Variants in KHDRBS2 observed in about 807,000 individuals in gnomAD.
KHDRBS2 encodes the protein KH domain-containing, RNA-binding, signal transduction-associated protein 2.
Under a neutral mutation model 44.3 loss-of-function variants are expected in KHDRBS2, and 26 were observed. The ratio of observed to expected loss-of-function variants is 0.59; its 90% CI spans 0.43 to 0.81. The LOEUF is 0.81. KHDRBS2 is among the 40% of genes least tolerant of loss of function. KHDRBS2 has a pLI of 0.00. For synonymous variants in KHDRBS2, 194 were observed against 151.1 expected (o/e 1.28, Z -2.08); for missense variants, 476 against 433.1 (o/e 1.10, Z -0.88).
intron 2 of KHDRBS2, among the ~76,000 whole-genome samples, chr6:62,059,622 A>G (rs1024658821): frequency 1.3e-5 from 2 of 151,812 alleles, no homozygotes; most frequent in Non-Finnish European, 2.9e-5. Flanking sequence ...CAAAAACGTT[A>G]GAGAAAAAAT....
intron 1 of KHDRBS2, among the ~76,000 whole-genome samples, chr6:62,222,747 C>T (rs1310413744): frequency 6.6e-6 from 1 of 152,174 alleles, no homozygotes; most frequent in Non-Finnish European, 1.5e-5. Flanking sequence ...TTACAGGCCC[C>T]ATGCAACTCT....
intron 6 of KHDRBS2, among the ~76,000 whole-genome samples, chr6:61,744,998 A>G (rs1776665028): frequency 6.6e-6 from 1 of 152,158 alleles, no homozygotes; most frequent in Non-Finnish European, 1.5e-5. Context: ...TTCAAAGCTC[A>G]TCTAACTATT....
the KHDRBS2 span, among the ~76,000 whole-genome samples, chr6:61,657,182 T>C: frequency 6.6e-6 from 1 of 151,992 alleles, no homozygotes; most frequent in Admixed American, 6.6e-5. Flanking sequence ...GCTGTCATCA[T>C]TATCAAAGTA....
chr6:62,129,771 C>T (rs1809841878), intron 2 of KHDRBS2, among the ~76,000 whole-genome samples: 1 of 151,912 alleles, frequency 6.6e-6, no homozygotes, highest in Non-Finnish European at 1.5e-5. Flanking sequence ...CCATATGTGG[C>T]TAGTGACTAC....
chr6:61,960,770 C>A lies in KHDRBS2; in HGVS notation c.483+17296G>T, dbSNP rs540495378. Reference sequence around the variant, plus strand: ...ATTTATTTTTGATAGACATTATGTACATTTGAGAACAAATTTTAAGATTAA... The same window carrying A: ...ATTTATTTTTGATAGACATTATGTAAATTTGAGAACAAATTTTAAGATTAA... On this transcript the variant is annotated intron_variant, in intron 4 of 8. Coordinates refer to ENST00000281156, the MANE Select transcript of KHDRBS2 (RefSeq NM_152688.4). Among the ~76,000 whole-genome samples the A allele has an allele frequency of 4.7e-4, 71 of 152,146 alleles. No homozygotes were observed. The South Asian group carries it at 0.015, about 32-fold the overall frequency.
chr6:61,566,185 A>T, the KHDRBS2 span, among the ~76,000 whole-genome samples: 1 of 152,104 alleles, frequency 6.6e-6, no homozygotes, highest in Non-Finnish European at 1.5e-5. Flanking sequence ...GAGCTAAAAA[A>T]CTTGATCTCA....
chr6:62,066,361 T>G (rs1793725493), intron 2 of KHDRBS2, among the ~76,000 whole-genome samples: 1 of 151,658 alleles, frequency 6.6e-6, no homozygotes, highest in South Asian at 2.1e-4. Context: ...CTTTGCCCTT[T>G]TAATACTTAA....
chr6:62,086,801 G>T (rs1432380961), intron 2 of KHDRBS2, among the ~76,000 whole-genome samples: 1 of 152,032 alleles, frequency 6.6e-6, no homozygotes, highest in Non-Finnish European at 1.5e-5. Flanking sequence ...TAGCAGGTGG[G>T]TACAAGGCAC....
intron 4 of KHDRBS2, among the ~76,000 whole-genome samples, chr6:61,947,100 A>T (rs1052227113): frequency 6.6e-6 from 1 of 152,190 alleles, no homozygotes; most frequent in African/African-American, 2.4e-5. Context: ...TTAAGCATCT[A>T]TCTAAAACTA....
chr6:61,947,851 A>G (rs1813677727), intron 4 of KHDRBS2, among the ~76,000 whole-genome samples: 1 of 151,178 alleles, frequency 6.6e-6, no homozygotes, highest in Non-Finnish European at 1.5e-5. Flanking sequence ...GAAGTTAGGC[A>G]CCTCCTTGAT....
chr6:62,148,087 C>T (rs758744012), intron 2 of KHDRBS2, among the ~76,000 whole-genome samples: 1 of 151,990 alleles, frequency 6.6e-6, no homozygotes, highest in Non-Finnish European at 1.5e-5. Context: ...AGACTGACTT[C>T]GTGACTTGAC....
Position 61,943,316 on chromosome 6 carries a change from C to T in KHDRBS2, c.483+34750G>A, listed in dbSNP as rs138326994. ...ACCATCATGGAAGCATATGAAAGTA[C>T]GGTAAAGCAAACAGACAAATACCAA... On this transcript the variant is annotated intron_variant, in intron 4 of 8. Transcript: ENST00000281156. Among the ~76,000 whole-genome samples, 109 of 151,750 alleles carry T rather than the reference C, an allele frequency of 7.2e-4. 1 individual carries two copies. The highest frequency in any genetic ancestry group is 2.5e-3 in the African/African-American group (102 of 41,388).
chr6:61,873,657 CAA>C (rs1798985937), intron 6 of KHDRBS2, among the ~76,000 whole-genome samples: 1 of 151,002 alleles, frequency 6.6e-6, no homozygotes, highest in Non-Finnish European at 1.5e-5. Flanking sequence ...AGAAACTATC[CAA>C]ATGTTTATAT....
chr6:61,778,925 A>G (rs1782509797), intron 6 of KHDRBS2, among the ~76,000 whole-genome samples: 1 of 152,166 alleles, frequency 6.6e-6, no homozygotes, highest in Non-Finnish European at 1.5e-5. Context: ...CTGACAATTT[A>G]CTACTCATTG....
intron 2 of KHDRBS2, among the ~76,000 whole-genome samples, chr6:62,061,814 T>A (rs1791990237): frequency 6.8e-6 from 1 of 148,128 alleles, no homozygotes; most frequent in Admixed American, 6.8e-5. Flanking sequence ...GGTACACCAA[T>A]CAGACGTAGA....
chr6:62,019,453 G>T (rs985806472), intron 3 of KHDRBS2, among the ~76,000 whole-genome samples: 14 of 151,912 alleles, frequency 9.2e-5, no homozygotes, highest in African/African-American at 3.4e-4. Flanking sequence ...GGCAATGCTG[G>T]CATCATAGAA....
chr6:62,138,987 A>G (rs1471069103), intron 2 of KHDRBS2, among the ~76,000 whole-genome samples: 1 of 152,140 alleles, frequency 6.6e-6, no homozygotes, highest in Admixed American at 6.5e-5. Context: ...TTTGCAATCC[A>G]CTTTTCCTTT....
chr6:62,065,188 C>T (rs560259649), intron 2 of KHDRBS2, among the ~76,000 whole-genome samples: 1 of 151,960 alleles, frequency 6.6e-6, no homozygotes, highest in South Asian at 2.1e-4. Flanking sequence ...GTTGGTGGGA[C>T]TGTAAACTAG....
intron 6 of KHDRBS2, among the ~76,000 whole-genome samples, chr6:61,831,368 T>G (rs1235490762): frequency 6.6e-6 from 1 of 152,122 alleles, no homozygotes; most frequent in African/African-American, 2.4e-5. Context: ...GTGGTGTGTG[T>G]GTGTGTGGCA....
Sources: gnomAD v4.1 joint callset for allele counts (sites outside exome capture counted in the v4.1 genomes callset) on GRCh38, gnomAD v4.1.1 for gene constraint, MANE v1.5 for transcripts, NCBI Gene and HGNC (gene_info 2026-07-23, HGNC 2026-07-21) for gene names.